Variants in NBPF12 observed in about 807,000 individuals in gnomAD.
NBPF12 encodes NBPF member 12.
NBPF12 carries 115 observed loss-of-function variants against 146.4 expected under a neutral mutation model. The observed-to-expected ratio is 0.79, with a 90% CI of 0.68 to 0.92. NBPF12 has a LOEUF of 0.92. NBPF12 is among the 40% of genes least tolerant of loss of function. The pLI is 0.00. For missense variants in NBPF12, 1,205 were observed against 1,326.8 expected (o/e 0.91, Z 1.43); for synonymous variants, 385 against 508.9 (o/e 0.76, Z 3.28).
intron 12 of NBPF12, 118 bp downstream of exon 15, chr1:146,970,837 G>A: frequency 1.9e-6 from 2 of 1,064,406 alleles, no homozygotes; most frequent in Non-Finnish European, 2.9e-6. Context: ...GCCACAGTAT[G>A]TGAAATTCAA....
intron 1 of NBPF12, among the ~76,000 whole-genome samples, 132 bp downstream of exon 1, chr1:146,939,144 T>G (rs1654675418): frequency 6.6e-6 from 1 of 151,886 alleles, no homozygotes; most frequent in African/African-American, 2.4e-5. Context: ...GGGGCCTAAG[T>G]TCCCTGCGCT....
chr1:146,938,904 G>C (rs1654649917), exon 1 of NBPF12: 3 of 152,118 alleles, frequency 2.0e-5, no homozygotes, highest in Non-Finnish European at 4.4e-5. Flanking sequence ...CGCCAGGAGC[G>C]GGGCCGAGGT....
At chr1:146,954,969 AATATATATATATATATAT>A (rs1171967177) in intron 2 of NBPF12, among the ~76,000 whole-genome samples, 17,900 of 53,492 alleles carry the variant, frequency 0.33, 3,522 homozygotes, top group South Asian at 0.62. Context: ...CCAAATAGGG[AATATATATATATATATAT>A]ATATATATAT....
At chr1:146,971,602 G>C (rs1485191696) in intron 13 of NBPF12, among the ~76,000 whole-genome samples, 21,183 of 143,380 alleles carry the variant, frequency 0.15, 1,971 homozygotes, top group Admixed American at 0.26. Flanking sequence ...CCAGCCTGGA[G>C]TATATGGTGA....
exon 12 of NBPF12, chr1:146,970,686 A>G: frequency 7.0e-7 from 1 of 1,427,932 alleles, no homozygotes; most frequent in Non-Finnish European, 9.9e-7. Flanking sequence ...CAAGTTGAGG[A>G]GGATGAGAAA....
At chr1:146,960,049 TA>T (rs1170764399) in intron 3 of NBPF12, 43 bp downstream of exon 6, 1 of 473,826 alleles carries the variant, frequency 2.1e-6, no homozygotes, top group Non-Finnish European at 3.6e-6. Flanking sequence ...CAGTCCTGAT[TA>T]AACCTATTTG....
intron 11 of NBPF12, among the ~76,000 whole-genome samples, chr1:146,970,300 C>A: frequency 6.6e-6 from 1 of 150,764 alleles, no homozygotes; most frequent in South Asian, 2.1e-4. Flanking sequence ...GTTTGAAATG[C>A]GAACTGTGAC....
chr1:146,965,492 A>G (rs1559521094), intron 8 of NBPF12, among the ~76,000 whole-genome samples: 7 of 151,256 alleles, frequency 4.6e-5, no homozygotes, highest in Admixed American at 3.3e-4. Flanking sequence ...TTAGCTATTA[A>G]TAAGTCTTGG....
chr1:146,960,246 T>C, exon 4 of NBPF12: 1 of 1,401,716 alleles, frequency 7.1e-7, no homozygotes, highest in Non-Finnish European at 9.9e-7. Context: ...CAAACAGCAG[T>C]TCAGAAACCT....
intron 8 of NBPF12, among the ~76,000 whole-genome samples, chr1:146,965,629 A>C: frequency 6.8e-6 from 1 of 146,182 alleles, no homozygotes; most frequent in East Asian, 2.0e-4. Context: ...AAAAATACAA[A>C]AAAAAAAAAA....
Position 146,939,069 on chromosome 1 carries a change from C to T in NBPF12, c.-822+87C>T, listed in dbSNP as rs1332415918. On this transcript the variant is annotated intron_variant, in intron 1 of 35. Coordinates refer to the NBPF12 transcript ENST00000617931. ...GCTGAGGCGCGGCGCGCTGGGCCGC[C>T]GCAAGTTTTGTTACGCGAGCGGGGC... is the stretch of plus-strand genomic sequence containing the variant. 10 of 152,318 alleles carry T rather than the reference C, an allele frequency of 6.6e-5. No individual in the cohort carries two copies. The East Asian group carries it at 1.9e-3, about 29-fold the overall frequency. 9.4% of individuals were successfully genotyped at this position (152,318 alleles called of 1,614,324 possible).
intron 12 of NBPF12, 26 bp from the exon 16 acceptor site, chr1:146,971,157 C>T: frequency 6.2e-7 from 1 of 1,610,632 alleles, no homozygotes; most frequent in Non-Finnish European, 8.5e-7. Context: ...AATCTTCTGT[C>T]ATCTCTGTCC....
At chr1:146,944,100 C>T (rs1340788599) in intron 2 of NBPF12, among the ~76,000 whole-genome samples, 1 of 119,062 alleles carries the variant, frequency 8.4e-6, no homozygotes, top group African/African-American at 3.3e-5. Context: ...AGAGAGACCA[C>T]TTTTGAAGGC....
intron 8 of NBPF12, among the ~76,000 whole-genome samples, chr1:146,966,140 T>G (rs1656192091): frequency 2.6e-5 from 4 of 151,848 alleles, no homozygotes; most frequent in African/African-American, 9.7e-5. Flanking sequence ...AAGAAAAAAA[T>G]TAAAAAAGCA....
chr1:146,973,355 T>G (rs1209299391), intron 14 of NBPF12, among the ~76,000 whole-genome samples: 6 of 151,800 alleles, frequency 4.0e-5, no homozygotes. Context: ...TTCAAGTTTC[T>G]GTTGAGGCCC....
exon 34 of NBPF12, chr1:146,994,351 G>A: frequency 2.5e-6 from 4 of 1,604,728 alleles, no homozygotes; most frequent in Admixed American, 1.7e-5. Context: ...CGTGCTGATG[G>A]AAGTGGAAGA....
intron 13 of NBPF12, among the ~76,000 whole-genome samples, chr1:146,972,273 A>C (rs1247677693): frequency 6.6e-6 from 1 of 150,894 alleles, no homozygotes; most frequent in Non-Finnish European, 1.5e-5. Flanking sequence ...TGGCGCTTGT[A>C]ATCCCAGATG....
chr1:146,969,113 C>T lies in NBPF12; in HGVS notation c.1092-269C>T, dbSNP rs1553886043. ...GAACTGAAAGGATGTCTTTTTGAAACGGAATTAGGAAGACACCTACTTTTG... is the reference window on the plus strand; with the variant it reads ...GAACTGAAAGGATGTCTTTTTGAAATGGAATTAGGAAGACACCTACTTTTG... On this transcript the variant is annotated intron_variant, in intron 10 of 33. Transcript: ENST00000617844. Among the ~76,000 whole-genome samples the T allele has an allele frequency of 5.9e-3, 887 of 150,804 alleles. 24 individuals carry two copies. Among genetic ancestry groups the T allele is most frequent in the African/African-American group, 0.02 (825 of 40,590 alleles).
At chr1:146,968,162 TCAGAC>T (rs1656328068) in intron 9 of NBPF12, among the ~76,000 whole-genome samples, 1 of 148,716 alleles carries the variant, frequency 6.7e-6, no homozygotes, top group Non-Finnish European at 1.5e-5. Context: ...GAATTCAGAG[TCAGAC>T]CTCAGGGACT....
Sources: gnomAD v4.1 joint callset for allele counts (sites outside exome capture counted in the v4.1 genomes callset) on GRCh38, gnomAD v4.1.1 for gene constraint, MANE v1.5 for transcripts, NCBI Gene and HGNC (gene_info 2026-07-23, HGNC 2026-07-21) for gene names.